The following FMO3 variants were observed in gnomAD, a reference collection of about 807,000 sequenced individuals.
The protein encoded by FMO3 is flavin-containing monooxygenase 3.
Under a neutral mutation model 39.4 loss-of-function variants are expected in FMO3, and 40 were observed. That is an observed-to-expected ratio of 1.02 (90% confidence interval 0.79 to 1.32). The LOEUF is 1.32. Among genes scored for constraint, FMO3 ranks in the 40% most tolerant of loss-of-function variants. The pLI, the probability that FMO3 is intolerant of heterozygous loss-of-function variation, is 0.00. For synonymous variants in FMO3, 219 were observed against 228.8 expected, an observed-to-expected ratio of 0.96 and a Z score of 0.39; for missense variants, 680 against 651.8, an observed-to-expected ratio of 1.04 and a Z score of -0.47.
chr1:171,098,481 A>G (rs1281528889), intron 2 of FMO3, among the ~76,000 whole-genome samples: 3 of 152,124 alleles, frequency 2.0e-5, no homozygotes, highest in Non-Finnish European at 2.9e-5. Context: ...AGTGGTTTGT[A>G]GTTCTCCTTG....
chr1:171,093,583 A>G (rs868460040), intron 2 of FMO3, among the ~76,000 whole-genome samples: 30 of 151,596 alleles, frequency 2.0e-4, no homozygotes, highest in African/African-American at 6.8e-4. Context: ...TTATCCAATC[A>G]TCCTTATTGG....
At chr1:171,096,161 T>A (rs1398865893) in intron 2 of FMO3, among the ~76,000 whole-genome samples, 2 of 72,612 alleles carry the variant, frequency 2.8e-5, no homozygotes, top group East Asian at 3.9e-4. Flanking sequence ...GAATATATAA[T>A]ATATATAATT....
In FMO3 at chr1:171,117,419, G is replaced by T. The variant is rs146765448; in HGVS notation, c.1576G>T (p.Ala526Ser). 6.2e-7 allele frequency: 1 copy of T among 1,613,480 alleles called. No individual in the cohort carries two copies. The highest frequency in any genetic ancestry group is 8.5e-7 in the Non-Finnish European group (1 of 1,179,718). Residue 526 changes from alanine to serine, a missense_variant, in exon 9 of 9, where the codon GCT (alanine) becomes TCT (serine). Coordinates refer to ENST00000367755, the MANE Select transcript of FMO3 (RefSeq NM_001002294.3). ...KLFAIPILLI[A>S]VFLVLT Reference sequence around the variant, plus strand: ...CTTTGCAATTCCTATTCTGTTAATCGCTGTTTTCCTTGTGTTGACCTAATC... The same window carrying T: ...CTTTGCAATTCCTATTCTGTTAATCTCTGTTTTCCTTGTGTTGACCTAATC...
chr1:171,105,036 T>G (rs79298244), intron 3 of FMO3, among the ~76,000 whole-genome samples: 2,978 of 145,378 alleles, frequency 0.02, 40 homozygotes, highest in Middle Eastern at 0.051. Context: ...CAAGTAATAT[T>G]TTAAGTTGGT....
intron 2 of FMO3, among the ~76,000 whole-genome samples, chr1:171,096,145 TG>T (rs1655022950): frequency 1.4e-5 from 1 of 70,740 alleles, no homozygotes; most frequent in Admixed American, 2.6e-4. Context: ...TATTATATAT[TG>T]ATATGAATAT....
rs1252515774 is a variant in FMO3 at position 171,096,158 on chromosome 1, TAA to T, written c.132+3369_132+3370del. 1.7e-3 allele frequency among the ~76,000 whole-genome samples: 130 copies of T among 76,884 alleles called. 6 individuals are homozygous for T. The highest frequency in any genetic ancestry group is 2.2e-3 in the Non-Finnish European group (105 of 47,168). 50.4% of individuals were successfully genotyped at this position (76,884 alleles called of 152,430 possible). A position where few individuals can be genotyped will look rare whatever the true frequency, so the allele number is the denominator to read the frequency against. On this transcript the variant is annotated intron_variant, in intron 2 of 8. Coordinates refer to ENST00000367755, the MANE Select transcript of FMO3 (RefSeq NM_001002294.3). ...ATTATTATATATTGATATGAATATA[TAA>T]TATATATAATTATATATAATATATT...
chr1:171,111,744 T>A (rs564327050), intron 6 of FMO3, among the ~76,000 whole-genome samples: 1 of 152,338 alleles, frequency 6.6e-6, no homozygotes, highest in East Asian at 1.9e-4. Context: ...GTGAATTCAT[T>A]AATTTGACAA....
chr1:171,094,120 C>T (rs1376311039), intron 2 of FMO3, among the ~76,000 whole-genome samples: 2 of 152,002 alleles, frequency 1.3e-5, no homozygotes, highest in Non-Finnish European at 2.9e-5. Context: ...TGAGCCACTG[C>T]GCCTGGCCTT....
chr1:171,110,856 A>G lies in FMO3; in HGVS notation c.686A>G (p.Tyr229Cys), dbSNP rs1265234220. The change falls in exon 6 of 9, where the codon TAT (tyrosine) becomes TGT (cysteine). Residue 229 changes from tyrosine (Y) to cysteine (C), a missense_variant. Transcript: ENST00000367755. ...ATGAGCCGGGTCTGGGACAATGGTT[A>G]TCCTTGGGACATGCTGCTCGTCACT... is the stretch of plus-strand genomic sequence containing the variant. ...WVMSRVWDNG[Y>C]PWDMLLVTRF... The G allele has an allele frequency of 1.2e-5, 19 of 1,613,920 alleles. No individual in the cohort carries two copies. Among genetic ancestry groups the G allele is most frequent in the Non-Finnish European group, 1.6e-5 (19 of 1,179,956 alleles).
chr1:171,107,741 GA>G lies in FMO3; in HGVS notation c.391del (p.Arg131GlyfsTer13), dbSNP rs866756635. ...TACTGGCCAGTGGGATGTTACCACT[GA>G]AAGGGATGGTAAAAAAGAATCGGCT... is the stretch of plus-strand genomic sequence containing the variant. ...ATTGQWDVTT[E>X]RDGKKESAVF... On this transcript the variant is annotated frameshift_variant, in exon 4 of 9. Coordinates refer to ENST00000367755, the MANE Select transcript of FMO3 (RefSeq NM_001002294.3). LOFTEE classifies it high-confidence loss of function. 18 of 1,613,360 alleles carry G rather than the reference GA, an allele frequency of 1.1e-5. No homozygotes were observed. The highest frequency in any genetic ancestry group is 1.4e-5 in the Non-Finnish European group (17 of 1,179,506).
Position 171,096,030 on chromosome 1 carries a change from A to ATAATATATATTATATAT in FMO3, c.132+3241_132+3257dup, listed in dbSNP as rs1654985422. On this transcript the variant is annotated intron_variant, in intron 2 of 8. Transcript: ENST00000367755. The stretch of plus-strand genomic sequence containing the variant: ...TAATATACATATTATATATTAATAT[A>ATAATATATATTATATAT]TAATATATATTATATATAAATATAT... Among the ~76,000 whole-genome samples, 11 of 60,004 alleles carry ATAATATATATTATATAT rather than the reference A, an allele frequency of 1.8e-4. 1 individual carries two copies. Among genetic ancestry groups the ATAATATATATTATATAT allele is most frequent in the Non-Finnish European group, 3.0e-4 (11 of 36,204 alleles). The allele number at this position is 60,004 out of a possible 152,430, so 39.4% of individuals were successfully genotyped here.
intron 3 of FMO3, among the ~76,000 whole-genome samples, chr1:171,107,023 A>G (rs1655670713): frequency 6.6e-6 from 1 of 152,332 alleles, no homozygotes; most frequent in South Asian, 2.1e-4. Flanking sequence ...AGTACATAAT[A>G]AAGTTCTTAA....
At chr1:171,091,211 G>A (rs1159525499) in intron 1 of FMO3, among the ~76,000 whole-genome samples, 1 of 150,848 alleles carries the variant, frequency 6.6e-6, no homozygotes, top group African/African-American at 2.4e-5. Flanking sequence ...GGATAAAAGC[G>A]AAACTCCGTC....
rs749352188 is a variant in FMO3 at position 171,092,826 on chromosome 1, G to C, written c.132+36G>C. The C allele has an allele frequency of 8.1e-6, 13 of 1,611,484 alleles. No individual in the cohort carries two copies. The South Asian group carries it at 1.3e-4, about 16-fold the overall frequency. Reference sequence around the variant, plus strand: ...TGTTGTTGTAATAGACAGGAAAATAGGTTGGGAAGTGTATAAGAGCACACT... The same window carrying C: ...TGTTGTTGTAATAGACAGGAAAATACGTTGGGAAGTGTATAAGAGCACACT... On this transcript the variant is annotated intron_variant, in intron 2 of 8. Transcript: ENST00000367755.
intron 6 of FMO3, among the ~76,000 whole-genome samples, chr1:171,113,056 G>T (rs576849499): frequency 4.3e-4 from 65 of 152,262 alleles, no homozygotes; most frequent in Non-Finnish European, 6.9e-4. Context: ...GGATCTGGGA[G>T]CCTGATTCTG....
intron 7 of FMO3, among the ~76,000 whole-genome samples, chr1:171,114,903 A>G (rs1341292304): frequency 6.6e-6 from 1 of 152,214 alleles, no homozygotes; most frequent in Non-Finnish European, 1.5e-5. Context: ...ACAGTGGATC[A>G]ATAGAGGCAG....
Position 171,107,513 on chromosome 1 carries a change from T to C in FMO3, c.322-162T>C, listed in dbSNP as rs961770073. Among the ~76,000 whole-genome samples, 89 of 152,222 alleles carry C rather than the reference T, an allele frequency of 5.8e-4. 1 individual carries two copies. The highest frequency in any genetic ancestry group is 2.2e-3 in the Admixed American group (33 of 15,274). Reference sequence around the variant, plus strand: ...AATCATGCAGGGACAAATAGACAGATACCATTTAGTGTTTTGATTTATTCT... The same window carrying C: ...AATCATGCAGGGACAAATAGACAGACACCATTTAGTGTTTTGATTTATTCT... On this transcript the variant is annotated intron_variant, in intron 3 of 8. Coordinates refer to ENST00000367755, the MANE Select transcript of FMO3 (RefSeq NM_001002294.3).
At chr1:171,113,082 G>T (rs1001522058) in intron 6 of FMO3, among the ~76,000 whole-genome samples, 1 of 152,156 alleles carries the variant, frequency 6.6e-6, no homozygotes, top group Non-Finnish European at 1.5e-5. Context: ...CTTGACAAGA[G>T]CAGTTTCAGC....
At chr1:171,103,049 T>C (rs1655477844) in intron 2 of FMO3, among the ~76,000 whole-genome samples, 1 of 152,174 alleles carries the variant, frequency 6.6e-6, no homozygotes, top group African/African-American at 2.4e-5. Flanking sequence ...TGATCAATAG[T>C]TGCAACCTCT....
Sources: gnomAD v4.1 joint callset for allele counts (sites outside exome capture counted in the v4.1 genomes callset) on GRCh38, gnomAD v4.1.1 for gene constraint, MANE v1.5 for transcripts, NCBI Gene and HGNC (gene_info 2026-07-23, HGNC 2026-07-21) for gene names.